Variants in NAP1L4 observed in about 807,000 individuals in gnomAD.
NAP1L4 encodes nucleosome assembly protein 1 like 4.
NAP1L4 carries 15 observed loss-of-function variants against 58.2 expected under a neutral mutation model. The observed-to-expected ratio is 0.26, with a 90% CI of 0.17 to 0.40. The LOEUF is 0.40. NAP1L4 is among the 10% of genes least tolerant of loss of function. The pLI, the probability that NAP1L4 is intolerant of heterozygous loss-of-function variation, is 1.00. For missense variants in NAP1L4, 384 were observed against 451.1 expected (o/e 0.85, Z 1.35); for synonymous variants, 171 against 155.6 (o/e 1.10, Z -0.74).
At chr11:2,970,923 G>A (rs191920790) in intron 6 of NAP1L4, among the ~76,000 whole-genome samples, 89 of 150,984 alleles carry the variant, frequency 5.9e-4, no homozygotes, top group African/African-American at 1.9e-3. Flanking sequence ...CATAAAATCA[G>A]GCTGACAAAG....
At position 2,973,896 on chromosome 11, in the gene NAP1L4, A is replaced by ATAGT. The variant is rs1247514639; in HGVS notation, c.174-1657_174-1654dup. Among the ~76,000 whole-genome samples, 4 of 152,142 alleles carry ATAGT rather than the reference A, an allele frequency of 2.6e-5. 1 individual carries two copies. The highest frequency in any genetic ancestry group is 4.1e-4 in the South Asian group (2 of 4,822). Reference sequence around the variant, plus strand: ...TGATACTCCCACCTCAGCATCCTGAATAGTTGGACTACAGGGGCACATCAC... The same window carrying ATAGT: ...TGATACTCCCACCTCAGCATCCTGAATAGTTAGTTGGACTACAGGGGCACATCAC... On this transcript the variant is annotated intron_variant, in intron 4 of 15. Coordinates refer to ENST00000380542, the MANE Select transcript of NAP1L4 (RefSeq NM_005969.4).
In NAP1L4 at chr11:2,951,479, G is replaced by GT. The variant is rs1846223863; in HGVS notation, c.1066-165dup. Among the ~76,000 whole-genome samples the GT allele has an allele frequency of 6.6e-6, 1 of 152,224 alleles. No homozygotes were observed. Among genetic ancestry groups the GT allele is most frequent in the East Asian group, 1.9e-4 (1 of 5,178 alleles). ...TTTGGACACTTAGAATTATTTCTAGGTATCTTTTTGTTCTCACAGAGAGCC... is the reference window on the plus strand; with the variant it reads ...TTTGGACACTTAGAATTATTTCTAGGTTATCTTTTTGTTCTCACAGAGAGCC... On this transcript the variant is annotated intron_variant, in intron 13 of 15. Transcript: ENST00000380542. This position sits in a 1 kb window ranked among gnomAD's most constrained non-coding sequence, Gnocchi z 4.0.
chr11:2,970,886 T>C (rs902849514), intron 6 of NAP1L4, among the ~76,000 whole-genome samples: 1 of 150,240 alleles, frequency 6.7e-6, no homozygotes, highest in Non-Finnish European at 1.5e-5. Context: ...AAGTTAGTTA[T>C]AGGATAAAAG....
intron 6 of NAP1L4, 113 bp from the exon 7 acceptor site, chr11:2,970,047 T>C (rs1847546348): frequency 1.7e-6 from 2 of 1,144,712 alleles, no homozygotes; most frequent in Admixed American, 5.8e-5. Context: ...AACACCTTGC[T>C]TTCTAAGTCT....
At position 2,975,920 on chromosome 11, in the gene NAP1L4, G is replaced by T; in HGVS notation, c.173+104C>A. 8 of 1,030,126 alleles carry T rather than the reference G, an allele frequency of 7.8e-6. 1 individual carries two copies. In the South Asian group the frequency reaches 1.3e-4, roughly 17 times the overall value. 63.8% of individuals were successfully genotyped at this position (1,030,126 alleles called of 1,614,324 possible). On this transcript the variant is annotated intron_variant, in intron 4 of 15. Transcript: ENST00000380542. ...TCTCTCATAGACAATGTCTTGGAACGAAAAAAACATTTAATCCTGTTCTGG... is the reference window on the plus strand; with the variant it reads ...TCTCTCATAGACAATGTCTTGGAACTAAAAAAACATTTAATCCTGTTCTGG...
rs943646222 is a variant in NAP1L4 at position 2,946,118 on chromosome 11, A to C, written c.*33-472T>G. 1.3e-5 allele frequency among the ~76,000 whole-genome samples: 2 copies of C among 152,064 alleles called. No homozygotes were observed. The highest frequency in any genetic ancestry group is 2.9e-5 in the Non-Finnish European group (2 of 67,994). ...AGGCTGGGCCCTTGGCGCTCATGGA[A>C]AGCACATCTCTCCTCTAGCGGGTTC... is the stretch of plus-strand genomic sequence containing the variant. On this transcript the variant is annotated intron_variant, in intron 15 of 15. Transcript: ENST00000380542. The surrounding 1 kb of genome is among the most constrained non-coding windows in gnomAD (Gnocchi z 4.8).
chr11:2,958,692 T>C (rs1172137479), intron 9 of NAP1L4, 148 bp from the exon 10 acceptor site: 7 of 748,146 alleles, frequency 9.4e-6, no homozygotes, highest in African/African-American at 3.6e-5. Flanking sequence ...CCCATGAAGT[T>C]CATCTGGAGG....
intron 1 of NAP1L4, among the ~76,000 whole-genome samples, chr11:2,984,926 T>C (rs1848536864): frequency 1.3e-5 from 2 of 152,248 alleles, no homozygotes; most frequent in Admixed American, 1.3e-4. Context: ...GTATCTCTTA[T>C]CTGAAATGCT....
chr11:2,958,345 A>AC (rs759442076), intron 10 of NAP1L4, 54 bp downstream of exon 10: 4 of 1,591,846 alleles, frequency 2.5e-6, no homozygotes, highest in Non-Finnish European at 3.4e-6. Context: ...CTATCAGGTG[A>AC]CCAAAATTAT....
chr11:2,977,402 C>A (rs541669213), intron 3 of NAP1L4, among the ~76,000 whole-genome samples: 1 of 152,164 alleles, frequency 6.6e-6, no homozygotes. Flanking sequence ...GCCCTTCTTG[C>A]CAAAATGTTT....
chr11:2,986,529 G>T (rs1848636374), intron 1 of NAP1L4, among the ~76,000 whole-genome samples: 1 of 151,896 alleles, frequency 6.6e-6, no homozygotes, highest in Non-Finnish European at 1.5e-5. Flanking sequence ...ATAACTGAAG[G>T]ATTAAAATTA....
chr11:2,953,851 G>A (rs2133911803), intron 12 of NAP1L4, among the ~76,000 whole-genome samples: 1 of 152,298 alleles, frequency 6.6e-6, no homozygotes, highest in African/African-American at 2.4e-5. Flanking sequence ...CCACAAGAAA[G>A]AGAGTATCAT....
chr11:2,951,248 A>C lies in NAP1L4; in HGVS notation c.1122+11T>G. On this transcript the variant is annotated intron_variant, in intron 14 of 15. Coordinates refer to ENST00000380542, the MANE Select transcript of NAP1L4 (RefSeq NM_005969.4). The surrounding 1 kb of genome is among the most constrained non-coding windows in gnomAD (Gnocchi z 4.0). The stretch of plus-strand genomic sequence containing the variant: ...TAATAAGTAGGTCTGGGTGGCCCCA[A>C]AGTTACCAACCTTGGGGTTAATTTC... 1 of 1,613,458 alleles carries C rather than the reference A, an allele frequency of 6.2e-7. No individual in the cohort carries two copies. Among genetic ancestry groups the C allele is most frequent in the Non-Finnish European group, 8.5e-7 (1 of 1,179,526 alleles).
intron 3 of NAP1L4, among the ~76,000 whole-genome samples, chr11:2,977,637 T>C (rs1252908857): frequency 4.6e-5 from 7 of 152,126 alleles, no homozygotes; most frequent in Non-Finnish European, 1.0e-4. Context: ...AGCATGACTG[T>C]CTATTAGAGA....
intron 4 of NAP1L4, 34 bp from the exon 5 acceptor site, chr11:2,972,277 T>C (rs911617503): frequency 5.8e-6 from 9 of 1,560,208 alleles, no homozygotes; most frequent in East Asian, 2.3e-5. Context: ...AACATCCTCA[T>C]GCCTGCAAAA....
In NAP1L4 at chr11:2,946,247, G is replaced by T. The variant is rs1845935072; in HGVS notation, c.*33-601C>A. Among the ~76,000 whole-genome samples, 1 of 152,154 alleles carries T rather than the reference G, an allele frequency of 6.6e-6. No individual in the cohort carries two copies. On this transcript the variant is annotated intron_variant, in intron 15 of 15. Transcript: ENST00000380542. This position sits in a 1 kb window ranked among gnomAD's most constrained non-coding sequence, Gnocchi z 4.8. ...GCTGCCACTCCCAAGAGCTCCATCT[G>T]TCACTCACTCTCCTTCACTCTCCTA...
chr11:2,949,413 A>T lies in NAP1L4; in HGVS notation c.1123-149T>A, dbSNP rs1414276642. 9 of 684,018 alleles carry T rather than the reference A, an allele frequency of 1.3e-5. No homozygotes were observed. The highest frequency in any genetic ancestry group is 8.0e-5 in the East Asian group (3 of 37,526). 42.4% of individuals were successfully genotyped at this position (684,018 alleles called of 1,614,324 possible). A position where few individuals can be genotyped will look rare whatever the true frequency, so the allele number is the denominator to read the frequency against. Reference sequence around the variant, plus strand: ...GGGTGAACAACTTCAACACTAGATCATACTTTCAAAATGGGCAGAAGCATG... The same window carrying T: ...GGGTGAACAACTTCAACACTAGATCTTACTTTCAAAATGGGCAGAAGCATG... On this transcript the variant is annotated intron_variant, in intron 14 of 15. Coordinates refer to ENST00000380542, the MANE Select transcript of NAP1L4 (RefSeq NM_005969.4). The surrounding 1 kb of genome is among the most constrained non-coding windows in gnomAD (Gnocchi z 4.0).
chr11:2,968,418 GTCT>G (rs147076988), intron 7 of NAP1L4, among the ~76,000 whole-genome samples: 3,002 of 152,228 alleles, frequency 0.02, 48 homozygotes, highest in Non-Finnish European at 0.03. Flanking sequence ...GTATGGTCTA[GTCT>G]TCTTAAATTC....
In NAP1L4 at chr11:2,959,499, C is replaced by T. The variant is rs1328856599; in HGVS notation, c.746+271G>A. On this transcript the variant is annotated intron_variant, in intron 9 of 15. Coordinates refer to ENST00000380542, the MANE Select transcript of NAP1L4 (RefSeq NM_005969.4). The surrounding 1 kb of genome is among the most constrained non-coding windows in gnomAD (Gnocchi z 4.9). ...TTCACGATGTCTAGAGAATCCACTA[C>T]TTTCATTAAAATGAAGAAACAGGGC... Among the ~76,000 whole-genome samples the T allele has an allele frequency of 6.6e-6, 1 of 152,222 alleles. No homozygotes were observed. The highest frequency in any genetic ancestry group is 1.5e-5 in the Non-Finnish European group (1 of 68,046).
Sources: gnomAD v4.1 joint callset for allele counts (sites outside exome capture counted in the v4.1 genomes callset) on GRCh38, gnomAD v4.1.1 for gene constraint, Gnocchi (gnomAD v3.1) non-coding constraint, MANE v1.5 for transcripts, NCBI Gene and HGNC (gene_info 2026-07-23, HGNC 2026-07-21) for gene names.